The following HMGA2 variants were observed in gnomAD, a reference collection of about 807,000 sequenced individuals.
HMGA2 encodes the protein high mobility group protein HMGI-C.
HMGA2 carries 8 observed loss-of-function variants against 19.1 expected under a neutral mutation model. The observed-to-expected ratio is 0.42, with a 90% confidence interval of 0.25 to 0.76. HMGA2 has a LOEUF of 0.76. Among genes scored for constraint, HMGA2 ranks in the 30% least tolerant of loss-of-function variants. HMGA2 has a pLI of 0.28. For missense variants in HMGA2, 109 were observed against 136.3 expected, an observed-to-expected ratio of 0.80 and a Z score of 1.00; for synonymous variants, 60 against 48.8, an observed-to-expected ratio of 1.23 and a Z score of -0.96.
At chr12:65,906,608 G>A (rs969206611) in intron 3 of HMGA2, among the ~76,000 whole-genome samples, 10 of 152,126 alleles carry the variant, frequency 6.6e-5, no homozygotes, top group Non-Finnish European at 2.9e-5. Context: ...AATCCGGGTG[G>A]TGAGTTAGTT....
intron 3 of HMGA2, among the ~76,000 whole-genome samples, chr12:65,907,846 T>A (rs1874669951): frequency 6.6e-6 from 1 of 152,200 alleles, no homozygotes; most frequent in Non-Finnish European, 1.5e-5. Flanking sequence ...GTTTCCAACA[T>A]AATTTCCAGT....
chr12:65,917,707 G>T (rs1462056060), intron 3 of HMGA2, among the ~76,000 whole-genome samples: 1 of 152,202 alleles, frequency 6.6e-6, no homozygotes, highest in Non-Finnish European at 1.5e-5. Flanking sequence ...GAAAAAGGCT[G>T]GAGTTTCCTG....
At chr12:65,935,761 A>T (rs984313102) in intron 3 of HMGA2, among the ~76,000 whole-genome samples, 2 of 152,118 alleles carry the variant, frequency 1.3e-5, no homozygotes, top group East Asian at 1.9e-4. Context: ...TTTCTTTCAA[A>T]TCCTGAAATG....
chr12:65,842,936 T>G, intron 3 of HMGA2: 1 of 1,122,018 alleles, frequency 8.9e-7, no homozygotes, highest in Non-Finnish European at 1.1e-6. Context: ...AAATCCTCCA[T>G]CCAGATGTTG....
intron 3 of HMGA2, among the ~76,000 whole-genome samples, chr12:65,872,581 GCC>G (rs1366084665): frequency 2.6e-5 from 4 of 152,088 alleles, no homozygotes; most frequent in Admixed American, 2.6e-4. Flanking sequence ...GCAAAGTTCT[GCC>G]ATTTATTACT....
At chr12:65,887,213 G>A (rs1018616280) in intron 3 of HMGA2, among the ~76,000 whole-genome samples, 1 of 152,146 alleles carries the variant, frequency 6.6e-6, no homozygotes, top group South Asian at 2.1e-4. Flanking sequence ...TTCAATGAAG[G>A]CAATGAAAAC....
At chr12:65,893,462 T>G (rs1874000110) in intron 3 of HMGA2, among the ~76,000 whole-genome samples, 1 of 152,226 alleles carries the variant, frequency 6.6e-6, no homozygotes, top group Non-Finnish European at 1.5e-5. Context: ...ATGTGGAAAT[T>G]TTTTAAGGTA....
chr12:65,921,909 T>C (rs1393327501), intron 3 of HMGA2, among the ~76,000 whole-genome samples: 2 of 152,258 alleles, frequency 1.3e-5, no homozygotes, highest in Non-Finnish European at 2.9e-5. Flanking sequence ...GGGCTGTGGC[T>C]TTGGCGAGTG....
At chr12:65,892,576 G>A (rs1458776038) in intron 3 of HMGA2, among the ~76,000 whole-genome samples, 1 of 151,940 alleles carries the variant, frequency 6.6e-6, no homozygotes, top group South Asian at 2.1e-4. Context: ...CAGTTGGATC[G>A]CTTTTAAGTA....
At chr12:65,904,251 C>T (rs1563834) in intron 3 of HMGA2, among the ~76,000 whole-genome samples, 37,064 of 152,148 alleles carry the variant, frequency 0.24, 5,853 homozygotes, top group African/African-American at 0.44. Flanking sequence ...TGTTCCTTGG[C>T]TCGTTGAGTG....
At chr12:65,837,617 T>C (rs1870789562) in intron 2 of HMGA2, among the ~76,000 whole-genome samples, 1 of 152,204 alleles carries the variant, frequency 6.6e-6, no homozygotes, top group Admixed American at 6.5e-5. Flanking sequence ...TATAGATGTA[T>C]GTGATATGTG....
At chr12:65,920,341 A>G (rs1875261451) in intron 3 of HMGA2, among the ~76,000 whole-genome samples, 1 of 152,176 alleles carries the variant, frequency 6.6e-6, no homozygotes, top group Admixed American at 6.5e-5. Flanking sequence ...GGGGCTTGCC[A>G]AGTCCTCAAA....
chr12:65,894,927 G>A (rs556912511), intron 3 of HMGA2, among the ~76,000 whole-genome samples: 7 of 152,226 alleles, frequency 4.6e-5, no homozygotes, highest in African/African-American at 1.2e-4. Flanking sequence ...GGAGAAGCAC[G>A]GTCCAAAGGT....
rs755805946 is a variant in HMGA2, at chr12:65,828,090, G to A, written c.198+3G>A. 1 of 1,608,450 alleles carries A rather than the reference G, an allele frequency of 6.2e-7. No individual in the cohort carries two copies. Among genetic ancestry groups the A allele is most frequent in the Non-Finnish European group, 8.5e-7 (1 of 1,174,922 alleles). On this transcript the variant is annotated splice_donor_region_variant and intron_variant, in intron 2 of 4. Coordinates refer to ENST00000403681, the MANE Select transcript of HMGA2 (RefSeq NM_003483.6). ...GTCCCTCTAAAGCAGCTCAAAAGGT[G>A]AGATTTCTCAAGTCAAGCTCTCCTA...
In HMGA2 at chr12:65,825,870, G is replaced by C. The variant is rs983939458; in HGVS notation, c.111+489G>C. 4 of 152,128 alleles carry C rather than the reference G, an allele frequency of 2.6e-5. No individual in the cohort carries two copies. Among genetic ancestry groups the C allele is most frequent in the African/African-American group, 7.2e-5 (3 of 41,406 alleles). The allele number at this position is 152,128 out of a possible 1,614,324, so 9.4% of individuals were successfully genotyped here. A position where few individuals can be genotyped will look rare whatever the true frequency, so the allele number is the denominator to read the frequency against. ...TCTCCCGCCTCCCGGGGCTGCTCGC[G>C]GGTCGGGGGCTGGCGCGCCGCAGCC... On this transcript the variant is annotated intron_variant, in intron 1 of 4. Transcript: ENST00000403681. The surrounding 1 kb of genome is among the most constrained non-coding windows in gnomAD (Gnocchi z 4.4).
At chr12:65,920,625 A>T (rs1213309670) in intron 3 of HMGA2, among the ~76,000 whole-genome samples, 1 of 152,106 alleles carries the variant, frequency 6.6e-6, no homozygotes, top group Non-Finnish European at 1.5e-5. Context: ...GTCTCACAAG[A>T]TCTGATGGGT....
rs569111040 is a variant in HMGA2, at chr12:65,869,184, G to T, written c.249+30615G>T. The stretch of plus-strand genomic sequence containing the variant: ...AGGGTTCTCTGGGCCAAGTTAGTTC[G>T]AGTATTTATCATTTAAATTAGGAAA... On this transcript the variant is annotated intron_variant, in intron 3 of 4. Coordinates refer to ENST00000403681, the MANE Select transcript of HMGA2 (RefSeq NM_003483.6). 2.6e-5 allele frequency among the ~76,000 whole-genome samples: 4 copies of T among 152,090 alleles called. No homozygotes were observed. In the East Asian group the frequency reaches 7.7e-4, roughly 29 times the overall value.
intron 3 of HMGA2, among the ~76,000 whole-genome samples, chr12:65,845,439 T>C (rs1592381694): frequency 1.3e-5 from 2 of 152,222 alleles, no homozygotes; most frequent in East Asian, 3.9e-4. Context: ...TGGCTAATTT[T>C]TGTTTTTTTA....
At chr12:65,896,521 T>C (rs1874137113) in intron 3 of HMGA2, among the ~76,000 whole-genome samples, 1 of 152,216 alleles carries the variant, frequency 6.6e-6, no homozygotes, top group Non-Finnish European at 1.5e-5. Context: ...TTTCTCTCTC[T>C]TTCTCTTTCT....
Sources: gnomAD v4.1 joint callset for allele counts (sites outside exome capture counted in the v4.1 genomes callset) on GRCh38, gnomAD v4.1.1 for gene constraint, Gnocchi (gnomAD v3.1) non-coding constraint, MANE v1.5 for transcripts, NCBI Gene and HGNC (gene_info 2026-07-23, HGNC 2026-07-21) for gene names.